Variants in ABCC4 observed in about 807,000 individuals in gnomAD.
ABCC4 encodes ATP binding cassette subfamily C member 4 (PEL blood group).
ABCC4 carries 102 observed loss-of-function variants against 168.5 expected under a neutral mutation model. The observed-to-expected ratio is 0.61, with a 90% CI of 0.52 to 0.71. ABCC4 has a LOEUF of 0.71. Among genes scored for constraint, ABCC4 ranks in the 30% least tolerant of loss-of-function variants. ABCC4 has a pLI of 0.00. For synonymous variants in ABCC4, 617 were observed against 590.7 expected (o/e 1.04, Z -0.65); for missense variants, 1,402 against 1,605.8 (o/e 0.87, Z 2.17).
intron 3 of ABCC4, 135 bp downstream of exon 3, chr13:95,246,840 G>T: frequency 9.9e-7 from 1 of 1,008,270 alleles, no homozygotes; most frequent in Non-Finnish European, 1.5e-6. Context: ...TTAATCCTTA[G>T]ACCTTAAAAT....
chr13:95,052,904 G>A (rs1170852377), intron 27 of ABCC4, among the ~76,000 whole-genome samples, 191 bp downstream of exon 27: 1 of 152,094 alleles, frequency 6.6e-6, no homozygotes, highest in African/African-American at 2.4e-5. Flanking sequence ...GAGAACCAGG[G>A]AAATTTTATT....
chr13:95,249,771 T>G (rs557275996), intron 1 of ABCC4, among the ~76,000 whole-genome samples: 2 of 152,330 alleles, frequency 1.3e-5, no homozygotes, highest in East Asian at 3.9e-4. Context: ...GGTGTCTTTT[T>G]GGACTAAAGA....
At chr13:95,066,207 C>T (rs534299951) in intron 25 of ABCC4, among the ~76,000 whole-genome samples, 14 of 152,320 alleles carry the variant, frequency 9.2e-5, no homozygotes, top group Non-Finnish European at 1.5e-4. Context: ...ACATGCATTT[C>T]GACCTGCTGA....
intron 4 of ABCC4, among the ~76,000 whole-genome samples, chr13:95,220,439 T>C (rs1296842372): frequency 6.6e-6 from 1 of 152,194 alleles, no homozygotes; most frequent in African/African-American, 2.4e-5. Flanking sequence ...AAAGTAACAG[T>C]ACACAGTACT....
chr13:95,075,840 G>C (rs190140147), intron 21 of ABCC4: 39 of 301,806 alleles, frequency 1.3e-4, no homozygotes, highest in African/African-American at 7.4e-4. Flanking sequence ...CAGCCTTCCA[G>C]GTCTTCCTCC....
At chr13:95,168,313 T>C (rs558274200) in intron 14 of ABCC4, among the ~76,000 whole-genome samples, 3 of 152,322 alleles carry the variant, frequency 2.0e-5, no homozygotes, top group East Asian at 3.9e-4. Context: ...AGGCTCCCTA[T>C]TCCTGGGGGA....
At chr13:95,281,986 A>AG (rs2041136380) in intron 1 of ABCC4, among the ~76,000 whole-genome samples, 1 of 152,160 alleles carries the variant, frequency 6.6e-6, no homozygotes, top group Non-Finnish European at 1.5e-5. Flanking sequence ...ACGCACCGGT[A>AG]GTCCCAGCTA....
chr13:95,226,312 T>C (rs2039464985), intron 4 of ABCC4, among the ~76,000 whole-genome samples: 1 of 152,116 alleles, frequency 6.6e-6, no homozygotes, highest in South Asian at 2.1e-4. Context: ...ACAGGTTGGG[T>C]AACTTTCACT....
intron 19 of ABCC4, among the ~76,000 whole-genome samples, chr13:95,157,722 G>A (rs2036917835): frequency 2.0e-5 from 3 of 152,112 alleles, no homozygotes; most frequent in South Asian, 4.2e-4. Flanking sequence ...AGGTGGGTTC[G>A]AAATGGAGAG....
At chr13:95,123,126 T>C (rs532318243) in intron 19 of ABCC4, among the ~76,000 whole-genome samples, 1 of 152,280 alleles carries the variant, frequency 6.6e-6, no homozygotes, top group African/African-American at 2.4e-5. Flanking sequence ...AAGTGACTTA[T>C]AAAAACCCAA....
intron 18 of ABCC4, 34 bp from the exon 19 acceptor site, chr13:95,161,369 C>T: frequency 6.8e-7 from 1 of 1,474,606 alleles, no homozygotes. Context: ...GAGAACACAG[C>T]ATATCTCTGC....
intron 24 of ABCC4, 108 bp from the exon 25 acceptor site, chr13:95,071,961 G>T: frequency 1.2e-6 from 1 of 843,956 alleles, no homozygotes; most frequent in Non-Finnish European, 1.7e-6. Flanking sequence ...TGGTTAAGGA[G>T]AGAAGCAGGA....
intron 10 of ABCC4, among the ~76,000 whole-genome samples, chr13:95,187,096 G>A (rs977023088): frequency 1.3e-5 from 2 of 152,144 alleles, no homozygotes; most frequent in Admixed American, 1.3e-4. Context: ...ACAAAATAGA[G>A]TGTAACAATC....
intron 26 of ABCC4, among the ~76,000 whole-genome samples, chr13:95,058,079 G>A (rs75483078): frequency 6.6e-6 from 1 of 152,134 alleles, no homozygotes; most frequent in Non-Finnish European, 1.5e-5. Context: ...CGACACATAA[G>A]TGAATACACT....
At chr13:95,132,654 T>C (rs934465212) in intron 19 of ABCC4, among the ~76,000 whole-genome samples, 4 of 152,216 alleles carry the variant, frequency 2.6e-5, no homozygotes, top group African/African-American at 9.6e-5. Flanking sequence ...ATATTTTCCA[T>C]TCTCAGTTGG....
At chr13:95,055,290 A>C (rs1376755351) in intron 26 of ABCC4, among the ~76,000 whole-genome samples, 1 of 152,254 alleles carries the variant, frequency 6.6e-6, no homozygotes, top group Non-Finnish European at 1.5e-5. Context: ...CAACCTCTGC[A>C]GGCAGAACAT....
intron 1 of ABCC4, among the ~76,000 whole-genome samples, chr13:95,281,597 A>G (rs1228875841): frequency 6.6e-6 from 1 of 152,112 alleles, no homozygotes; most frequent in Non-Finnish European, 1.5e-5. Flanking sequence ...TCTTACCCAA[A>G]CTCAACCCAA....
chr13:95,026,426 C>T lies in ABCC4; in HGVS notation c.3871-4744G>A, dbSNP rs1216804583. ...ATAGCTTTACAAAATAGACAAAGGA[C>T]ATAAAACATATACATGATAGATATT... On this transcript the variant is annotated intron_variant, in intron 30 of 30. Transcript: ENST00000645237. Among the ~76,000 whole-genome samples, 3 of 151,732 alleles carry T rather than the reference C, an allele frequency of 2.0e-5. No individual in the cohort carries two copies. The East Asian group carries it at 5.8e-4, about 29-fold the overall frequency.
At chr13:95,122,847 G>A (rs978273489) in intron 19 of ABCC4, among the ~76,000 whole-genome samples, 8 of 152,138 alleles carry the variant, frequency 5.3e-5, no homozygotes, top group African/African-American at 1.2e-4. Context: ...AGCTAACCCC[G>A]ACTCTACCAA....
Sources: allele counts gnomAD v4.1 joint callset (sites outside exome capture counted in the v4.1 genomes callset), GRCh38; gene constraint gnomAD v4.1.1; transcripts MANE v1.5; gene names NCBI Gene and HGNC (gene_info 2026-07-23, HGNC 2026-07-21).